NCOA2: variants seen among roughly 807,000 people sequenced by gnomAD.
NCOA2 encodes the protein nuclear receptor coactivator 2, also known as class E basic helix-loop-helix protein 75.
Under a neutral mutation model 145.1 loss-of-function variants are expected in NCOA2, and 21 were observed. The observed-to-expected ratio is 0.14, with a 90% CI of 0.10 to 0.21. The LOEUF (loss-of-function observed/expected upper bound fraction) is 0.21. Among genes scored for constraint, NCOA2 ranks in the 10% least tolerant of loss-of-function variants. The probability of loss-of-function intolerance (pLI) is 1.00; values close to 1 mark genes in which losing one functional copy is unlikely to be tolerated. For missense variants in NCOA2, 1,472 were observed against 1,837.6 expected, an observed-to-expected ratio of 0.80 and a Z score of 3.64; for synonymous variants, 619 against 637.5, an observed-to-expected ratio of 0.97 and a Z score of 0.44.
At chr8:70,382,419 T>G (rs1812283300) in intron 1 of NCOA2, among the ~76,000 whole-genome samples, 1 of 152,112 alleles carries the variant, frequency 6.6e-6, no homozygotes, top group South Asian at 2.1e-4. Context: ...AAATGTCGTT[T>G]CCACAAGGAA....
At position 70,214,247 on chromosome 8, in the gene NCOA2, A is replaced by T. The variant is rs6982761; in HGVS notation, c.87-172T>A. Among the ~76,000 whole-genome samples the T allele has an allele frequency of 1.7e-3, 262 of 152,264 alleles. 2 individuals carry two copies. Among genetic ancestry groups the T allele is most frequent in the African/African-American group, 4.8e-3 (200 of 41,558 alleles). ...TTCCAAAAGTGTTCCATGTTTTTTTAAAAAAATCAACCTAAGCCTAGTTTG... is the reference window on the plus strand; with the variant it reads ...TTCCAAAAGTGTTCCATGTTTTTTTTAAAAAATCAACCTAAGCCTAGTTTG... On this transcript the variant is annotated intron_variant, in intron 3 of 22. Coordinates refer to ENST00000452400, the MANE Select transcript of NCOA2 (RefSeq NM_006540.4).
chr8:70,151,289 T>A (rs1463575805), intron 11 of NCOA2, among the ~76,000 whole-genome samples: 1 of 152,092 alleles, frequency 6.6e-6, no homozygotes, highest in Non-Finnish European at 1.5e-5. Flanking sequence ...ACTCACACTT[T>A]TCCTTTTTTT....
intron 18 of NCOA2, 126 bp downstream of exon 18, chr8:70,128,307 G>T: frequency 1.4e-6 from 1 of 735,794 alleles, no homozygotes; most frequent in Non-Finnish European, 2.3e-6. Flanking sequence ...GTAACTAGAT[G>T]ACAGTACAGG....
the NCOA2 span, among the ~76,000 whole-genome samples, chr8:70,439,308 C>T: frequency 5.1e-4 from 78 of 152,038 alleles, no homozygotes; most frequent in East Asian, 1.3e-3. Flanking sequence ...GAGTAGTGGC[C>T]GCATGGACAA....
intron 1 of NCOA2, among the ~76,000 whole-genome samples, chr8:70,313,733 G>T (rs1805314491): frequency 6.6e-6 from 1 of 152,118 alleles, no homozygotes; most frequent in African/African-American, 2.4e-5. Flanking sequence ...TTGGCTAAAA[G>T]ATTTTAGATA....
chr8:70,287,632 C>T (rs1826332690), intron 2 of NCOA2, among the ~76,000 whole-genome samples: 2 of 152,122 alleles, frequency 1.3e-5, no homozygotes, highest in African/African-American at 4.8e-5. Context: ...CTATTGAAAG[C>T]ATTATCTGTG....
chr8:70,378,665 G>T (rs890171258), intron 1 of NCOA2, among the ~76,000 whole-genome samples: 2 of 148,578 alleles, frequency 1.3e-5, no homozygotes, highest in Non-Finnish European at 3.0e-5. Flanking sequence ...CTTTCCCAAG[G>T]CCAATAATTT....
chr8:70,134,760 C>T (rs1390605042), intron 15 of NCOA2, among the ~76,000 whole-genome samples: 1 of 152,142 alleles, frequency 6.6e-6, no homozygotes, highest in Admixed American at 6.6e-5. Flanking sequence ...CTTTTTGTTA[C>T]ATGCTTTTCT....
intron 4 of NCOA2, among the ~76,000 whole-genome samples, chr8:70,176,099 A>AT (rs1814807502): frequency 6.6e-6 from 1 of 152,206 alleles, no homozygotes; most frequent in African/African-American, 2.4e-5. Flanking sequence ...TGTCTCCCGT[A>AT]TATCATGGAC....
chr8:70,319,373 C>T (rs993945855), intron 1 of NCOA2, among the ~76,000 whole-genome samples: 1 of 151,734 alleles, frequency 6.6e-6, no homozygotes, highest in African/African-American at 2.4e-5. Flanking sequence ...GAAACCCTGA[C>T]TCTACAAAAA....
chr8:70,330,767 AAGAC>A lies in NCOA2; in HGVS notation c.-76-33971_-76-33968del, dbSNP rs760889679. On this transcript the variant is annotated intron_variant, in intron 1 of 22. Transcript: ENST00000452400. ...ACAGTATTTACTGAGTCACAAGAAAAAGACAGGTTATGCTTACGCAATCTTAAAA... is the reference window on the plus strand; with the variant it reads ...ACAGTATTTACTGAGTCACAAGAAAAAGGTTATGCTTACGCAATCTTAAAA... Among the ~76,000 whole-genome samples the A allele has an allele frequency of 5.3e-5, 8 of 152,328 alleles. No homozygotes were observed. In the East Asian group the frequency reaches 1.5e-3, roughly 29 times the overall value.
chr8:70,190,858 A>G (rs562313150), intron 4 of NCOA2, among the ~76,000 whole-genome samples: 9 of 152,346 alleles, frequency 5.9e-5, no homozygotes, highest in African/African-American at 2.2e-4. Flanking sequence ...AAGTAAAGTA[A>G]AAGAAAGTTG....
chr8:70,182,457 T>C (rs1815593945), intron 4 of NCOA2, among the ~76,000 whole-genome samples: 1 of 152,190 alleles, frequency 6.6e-6, no homozygotes, highest in African/African-American at 2.4e-5. Flanking sequence ...AAGTTTGAAA[T>C]ACACAGGCCT....
chr8:70,308,592 G>C (rs538857746), intron 1 of NCOA2, among the ~76,000 whole-genome samples: 1 of 152,006 alleles, frequency 6.6e-6, no homozygotes, highest in South Asian at 2.1e-4. Flanking sequence ...CTATTCCATG[G>C]GGGAAATTCA....
At chr8:70,214,182 T>C (rs1819345217) in intron 3 of NCOA2, 107 bp from the exon 4 acceptor site, 1 of 1,035,630 alleles carries the variant, frequency 9.7e-7, no homozygotes, top group Non-Finnish European at 1.4e-6. Context: ...AAAAGCTACC[T>C]ATATAAACAC....
chr8:70,141,607 G>A (rs923210980), intron 13 of NCOA2, among the ~76,000 whole-genome samples: 7 of 152,144 alleles, frequency 4.6e-5, no homozygotes, highest in East Asian at 1.9e-4. Flanking sequence ...TGGACCTGCC[G>A]CTCTTTATAG....
At chr8:70,231,135 A>G (rs1490273410) in intron 2 of NCOA2, among the ~76,000 whole-genome samples, 1 of 152,174 alleles carries the variant, frequency 6.6e-6, no homozygotes, top group Non-Finnish European at 1.5e-5. Flanking sequence ...ATGTACTGTC[A>G]AACTGTTTTC....
At chr8:70,142,299 A>G (rs1472346251) in intron 13 of NCOA2, among the ~76,000 whole-genome samples, 2 of 152,242 alleles carry the variant, frequency 1.3e-5, no homozygotes, top group Non-Finnish European at 2.9e-5. Context: ...ATAAACAACT[A>G]AAAATGGGGT....
intron 22 of NCOA2, among the ~76,000 whole-genome samples, chr8:70,119,941 C>G (rs1018565907): frequency 2.0e-5 from 3 of 151,790 alleles, no homozygotes; most frequent in Admixed American, 6.6e-5. Flanking sequence ...ATGGTCTCCA[C>G]TCACTGCAAC....
Sources: allele counts gnomAD v4.1 joint callset (sites outside exome capture counted in the v4.1 genomes callset), GRCh38; gene constraint gnomAD v4.1.1; transcripts MANE v1.5; gene names NCBI Gene and HGNC (gene_info 2026-07-23, HGNC 2026-07-21).